C12orf56: variants seen among roughly 807,000 people sequenced by gnomAD.
C12orf56 encodes the protein uncharacterized protein C12orf56.
Under a neutral mutation model 69.9 loss-of-function variants are expected in C12orf56, and 71 were observed. The ratio of observed to expected loss-of-function variants is 1.02; its 90% confidence interval spans 0.84 to 1.24. C12orf56 has a LOEUF of 1.24. Ranked by LOEUF, C12orf56 falls within the 50% of genes most tolerant of loss-of-function variation. The pLI is 0.00. For synonymous variants in C12orf56, 276 were observed against 274.1 expected (o/e 1.01, Z -0.07); for missense variants, 732 against 738.5 (o/e 0.99, Z 0.10).
intron 3 of C12orf56, among the ~76,000 whole-genome samples, chr12:64,319,673 C>G (rs1027602005): frequency 6.6e-6 from 1 of 152,192 alleles, no homozygotes; most frequent in African/African-American, 2.4e-5. Flanking sequence ...CCTTTAAACA[C>G]GGGGCTTGCA....
At chr12:64,268,991 C>T (rs1346727205) in intron 12 of C12orf56, among the ~76,000 whole-genome samples, 1 of 152,006 alleles carries the variant, frequency 6.6e-6, no homozygotes, top group Admixed American at 6.6e-5. Context: ...CAAAAATTAG[C>T]TAGGCGTGAT....
chr12:64,353,144 GTT>G (rs376117595), intron 1 of C12orf56, 88 bp from the exon 2 acceptor site: 1 of 1,203,262 alleles, frequency 8.3e-7, no homozygotes, highest in Non-Finnish European at 1.2e-6. Flanking sequence ...CTAACAGCAA[GTT>G]TTTTTTTTCC....
At chr12:64,346,954 C>A (rs934807605) in intron 2 of C12orf56, among the ~76,000 whole-genome samples, 1 of 149,328 alleles carries the variant, frequency 6.7e-6, no homozygotes, top group Non-Finnish European at 1.5e-5. Flanking sequence ...ATATATATAT[C>A]TATCTATATC....
At chr12:64,387,642 T>C (rs2039812361) in intron 1 of C12orf56, among the ~76,000 whole-genome samples, 1 of 151,976 alleles carries the variant, frequency 6.6e-6, no homozygotes. Context: ...CAAAACCCTG[T>C]CTCTACAAAA....
At chr12:64,299,193 T>C (rs1033704551) in intron 6 of C12orf56, among the ~76,000 whole-genome samples, 1 of 152,178 alleles carries the variant, frequency 6.6e-6, no homozygotes, top group Admixed American at 6.5e-5. Flanking sequence ...TTGTCTGTTA[T>C]TGGTGTATAG....
At chr12:64,341,280 T>A (rs1433275462) in intron 2 of C12orf56, among the ~76,000 whole-genome samples, 1 of 152,112 alleles carries the variant, frequency 6.6e-6, no homozygotes, top group Non-Finnish European at 1.5e-5. Context: ...CTAGGGGTGA[T>A]GGTGAGTGGT....
At chr12:64,306,443 A>G (rs1373351263) in intron 5 of C12orf56, among the ~76,000 whole-genome samples, 1 of 147,478 alleles carries the variant, frequency 6.8e-6, no homozygotes, top group Non-Finnish European at 1.5e-5. Flanking sequence ...TTTTAGACAG[A>G]GTCTTCTTCT....
At chr12:64,342,767 G>A (rs987618917) in intron 2 of C12orf56, among the ~76,000 whole-genome samples, 1 of 152,204 alleles carries the variant, frequency 6.6e-6, no homozygotes, top group Non-Finnish European at 1.5e-5. Flanking sequence ...CAGGCCAAGA[G>A]CTGTTTCTCA....
rs1307361496 is a variant in C12orf56 at position 64,358,462 on chromosome 12, G to GTAATAA, written c.253-5412_253-5407dup. ...AACACAGTAAGACTCCATCTCAAAAGTAATAATAATAATAATAATAATCAT... is the reference window on the plus strand; with the variant it reads ...AACACAGTAAGACTCCATCTCAAAAGTAATAATAATAATAATAATAATAATAATCAT... On this transcript the variant is annotated intron_variant, in intron 1 of 12. Coordinates refer to ENST00000543942, the MANE Select transcript of C12orf56 (RefSeq NM_001170633.2). Among the ~76,000 whole-genome samples, 82 of 128,054 alleles carry GTAATAA rather than the reference G, an allele frequency of 6.4e-4. 1 individual carries two copies. Among genetic ancestry groups the GTAATAA allele is most frequent in the African/African-American group, 1.9e-3 (66 of 33,916 alleles). The allele number at this position is 128,054 out of a possible 152,430, so 84.0% of individuals were successfully genotyped here.
chr12:64,375,096 G>C (rs779277892), intron 1 of C12orf56, among the ~76,000 whole-genome samples: 13 of 151,300 alleles, frequency 8.6e-5, no homozygotes, highest in Non-Finnish European at 1.8e-4. Flanking sequence ...TTGAGAGGGA[G>C]TCTCACTCTG....
intron 1 of C12orf56, among the ~76,000 whole-genome samples, chr12:64,386,718 A>G (rs2039795865): frequency 6.6e-6 from 1 of 151,890 alleles, no homozygotes; most frequent in Admixed American, 6.6e-5. Flanking sequence ...TTTAGTAGAG[A>G]TGGGTCTTCA....
chr12:64,370,044 C>T (rs1250355780), intron 1 of C12orf56, among the ~76,000 whole-genome samples: 1 of 150,632 alleles, frequency 6.6e-6, no homozygotes, highest in East Asian at 2.0e-4. Context: ...AAATAAGATG[C>T]TGGCCAGGCA....
chr12:64,313,261 CAAA>C (rs769254039), intron 4 of C12orf56, among the ~76,000 whole-genome samples: 1 of 109,348 alleles, frequency 9.1e-6, no homozygotes, highest in Non-Finnish European at 1.8e-5. Context: ...GACTCTGTCT[CAAA>C]AAAAAAAAAA....
chr12:64,346,644 G>C (rs2039146837), intron 2 of C12orf56, among the ~76,000 whole-genome samples: 1 of 152,122 alleles, frequency 6.6e-6, no homozygotes, highest in Non-Finnish European at 1.5e-5. Context: ...TTAGAGATGT[G>C]GGTGGCAGTA....
intron 1 of C12orf56, among the ~76,000 whole-genome samples, chr12:64,371,903 CTTTTTTTTTTTT>C (rs750455670): frequency 8.2e-6 from 1 of 121,904 alleles, no homozygotes; most frequent in African/African-American, 4.0e-5. Flanking sequence ...GCAATGATTT[CTTTTTTTTTTTT>C]TTTTTTTTTG....
chr12:64,342,176 T>G (rs951039566), intron 2 of C12orf56, among the ~76,000 whole-genome samples: 11 of 152,238 alleles, frequency 7.2e-5, no homozygotes, highest in Admixed American at 2.0e-4. Flanking sequence ...ATAATGCTTC[T>G]TCTGGAAGCT....
At chr12:64,318,421 C>T in intron 4 of C12orf56, 154 bp downstream of exon 4, 2 of 670,278 alleles carry the variant, frequency 3.0e-6, no homozygotes, top group Non-Finnish European at 2.4e-6. Context: ...AAAATCATCT[C>T]CTTAATTGTT....
At position 64,332,711 on chromosome 12, in the gene C12orf56, G is replaced by A. The variant is rs573821117; in HGVS notation, c.416-1679C>T. Among the ~76,000 whole-genome samples, 14 of 152,306 alleles carry A rather than the reference G, an allele frequency of 9.2e-5. No homozygotes were observed. In the East Asian group the frequency reaches 2.5e-3, roughly 27 times the overall value. ...CAGCTGATGGGTCTAGAGGTGGACT[G>A]CTGACCCAGTCTGGGCCAATCAATG... is the stretch of plus-strand genomic sequence containing the variant. On this transcript the variant is annotated intron_variant, in intron 2 of 12. Transcript: ENST00000543942.
chr12:64,351,955 C>T (rs1205500324), intron 2 of C12orf56, among the ~76,000 whole-genome samples: 11 of 151,970 alleles, frequency 7.2e-5, no homozygotes, highest in African/African-American at 2.7e-4. Context: ...CTACAGGATA[C>T]TCCCTTCGGA....
Sources: gnomAD v4.1 joint callset for allele counts (sites outside exome capture counted in the v4.1 genomes callset) on GRCh38, gnomAD v4.1.1 for gene constraint, MANE v1.5 for transcripts, NCBI Gene and HGNC (gene_info 2026-07-23, HGNC 2026-07-21) for gene names.